Variants in UBE2A observed in about 807,000 individuals in gnomAD.
UBE2A encodes ubiquitin conjugating enzyme E2 A, also known as ubiquitin-conjugating enzyme E2 A.
For missense variants in UBE2A, 27 were observed against 125.8 expected (o/e 0.21, Z 3.76); for synonymous variants, 39 against 41.1 (o/e 0.95, Z 0.20).
chrX:119,578,488 AAG>A (rs1201650890), intron 3 of UBE2A, among the ~76,000 whole-genome samples: 2 of 111,573 alleles, frequency 1.8e-5, no homozygotes, highest in Non-Finnish European at 3.8e-5. Flanking sequence ...AAAGTCCACT[AAG>A]AGTGTTTTAA....
chrX:119,574,599 C>G lies in UBE2A; in HGVS notation c.-113C>G. 9.7e-7 allele frequency: 1 copy of G among 1,027,654 alleles called. No individual in the cohort carries two copies. Among genetic ancestry groups the G allele is most frequent in the Non-Finnish European group, 1.3e-6 (1 of 752,892 alleles). 84.7% of individuals were successfully genotyped at this position (1,027,654 alleles called of 1,213,427 possible). ...CGACTTCGGAGAGGCAGCGCGGTTC[C>G]TCTGGGTGCTTCCGCCTCCCCTTCT... On this transcript the variant is annotated 5_prime_UTR_variant, in exon 1 of 6. Transcript: ENST00000371558.
intron 5 of UBE2A, 77 bp from the exon 6 acceptor site, chrX:119,583,050 A>G: frequency 1.1e-5 from 13 of 1,155,385 alleles, no homozygotes; most frequent in East Asian, 3.0e-5. Flanking sequence ...ACTTAGGACA[A>G]TTCAATTGAG....
intron 3 of UBE2A, among the ~76,000 whole-genome samples, chrX:119,580,066 C>G (rs1207479379): frequency 1.8e-5 from 2 of 111,719 alleles, no homozygotes; most frequent in Non-Finnish European, 3.8e-5. Context: ...TTCCATACTT[C>G]TAATGGGCAT....
At chrX:119,580,509 A>G (rs1308610753) in intron 3 of UBE2A, 1 of 112,606 alleles carries the variant, frequency 8.9e-6, no homozygotes, top group Non-Finnish European at 1.9e-5. Context: ...CTTATACCAT[A>G]TAGTAACTGA....
In UBE2A at chrX:119,574,698, A is replaced by T. The variant is rs1416040436; in HGVS notation, c.-14A>T. On this transcript the variant is annotated 5_prime_UTR_variant, in exon 1 of 6. The change abolishes the stop of an existing upstream ORF in the 5' untranslated region. Coordinates refer to ENST00000371558, the MANE Select transcript of UBE2A (RefSeq NM_003336.4). ...GACCCCAGTGTATGCCCCACCCCTG[A>T]CCCCGCTCGCGACATGTCCACCCCG... The T allele has an allele frequency of 8.4e-7, 1 of 1,193,809 alleles. No individual in the cohort carries two copies. Among genetic ancestry groups the T allele is most frequent in the Admixed American group, 2.2e-5 (1 of 44,470 alleles).
intron 3 of UBE2A, 172 bp downstream of exon 3, chrX:119,575,572 T>C: frequency 1.8e-6 from 1 of 551,197 alleles, no homozygotes; most frequent in South Asian, 2.9e-5. Context: ...ATTGTATGCT[T>C]GACTAGAACT....
Position 119,574,588 on chromosome X carries a change from C to T in UBE2A, c.-124C>T. ...AGACCGACCCTCGACTTCGGAGAGG[C>T]AGCGCGGTTCCTCTGGGTGCTTCCG... On this transcript the variant is annotated 5_prime_UTR_variant, in exon 1 of 6. Coordinates refer to ENST00000371558, the MANE Select transcript of UBE2A (RefSeq NM_003336.4). 3.2e-6 allele frequency: 3 copies of T among 942,207 alleles called. No homozygotes were observed. In the South Asian group the frequency reaches 6.2e-5, roughly 20 times the overall value. The allele number at this position is 942,207 out of a possible 1,213,427, so 77.6% of individuals were successfully genotyped here.
intron 3 of UBE2A, among the ~76,000 whole-genome samples, chrX:119,576,504 T>TACACAC (rs748580325): frequency 1.2e-4 from 13 of 107,341 alleles, no homozygotes; most frequent in African/African-American, 4.1e-4. Flanking sequence ...ATAGCATTTA[T>TACACAC]ACACACACAC....
Position 119,575,360 on chromosome X carries a change from TTC to T in UBE2A, c.126-11_126-10del, listed in dbSNP as rs747415799. On this transcript the variant is annotated splice_polypyrimidine_tract_variant and intron_variant, in intron 2 of 5. Coordinates refer to ENST00000371558, the MANE Select transcript of UBE2A (RefSeq NM_003336.4). Reference sequence around the variant, plus strand: ...CCCCTTAAGTGGGAACTGACCATTTTTCTCTGTGTTGCAGGCCTGAAGGGACC... The same window carrying T: ...CCCCTTAAGTGGGAACTGACCATTTTTCTGTGTTGCAGGCCTGAAGGGACC... The T allele has an allele frequency of 3.3e-6, 4 of 1,211,758 alleles. No individual in the cohort carries two copies. The Admixed American group carries it at 8.7e-5, about 26-fold the overall frequency.
At chrX:119,582,842 G>A (rs1256963376) in intron 5 of UBE2A, among the ~76,000 whole-genome samples, 166 bp downstream of exon 5, 1 of 110,997 alleles carries the variant, frequency 9.0e-6, no homozygotes, top group Non-Finnish European at 1.9e-5. Flanking sequence ...GCTGGGTACA[G>A]TCGCTCACAC....
At chrX:119,581,164 GC>G (rs1359167967) in intron 3 of UBE2A, 1 of 148,585 alleles carries the variant, frequency 6.7e-6, no homozygotes, top group Non-Finnish European at 1.3e-5. Context: ...ACTAACATAG[GC>G]CTTTGAGGTC....
At chrX:119,580,970 A>G (rs1444234487) in intron 3 of UBE2A, 1 of 112,297 alleles carries the variant, frequency 8.9e-6, no homozygotes, top group Non-Finnish European at 1.9e-5. Flanking sequence ...AATTCAATTA[A>G]GTTTTCATTA....
chrX:119,583,515 C>A lies in UBE2A; in HGVS notation c.*260C>A, dbSNP rs1352870922. 2.9e-6 allele frequency: 1 copy of A among 348,502 alleles called. No individual in the cohort carries two copies. The highest frequency in any genetic ancestry group is 4.7e-5 in the South Asian group (1 of 21,330). The allele number at this position is 348,502 out of a possible 1,213,427, so 28.7% of individuals were successfully genotyped here. A position where few individuals can be genotyped will look rare whatever the true frequency, so the allele number is the denominator to read the frequency against. ...TCAGTTTTTCTGTTGTATTTCATTT[C>A]CAGTTTTCAGGCAGTTATTTTTATT... On this transcript the variant is annotated 3_prime_UTR_variant, in exon 6 of 6. Coordinates refer to ENST00000371558, the MANE Select transcript of UBE2A (RefSeq NM_003336.4).
At chrX:119,578,103 C>T (rs1044491108) in intron 3 of UBE2A, among the ~76,000 whole-genome samples, 2 of 111,416 alleles carry the variant, frequency 1.8e-5, no homozygotes, top group East Asian at 2.8e-4. Context: ...GTAAACCGTT[C>T]GTTATGGAAG....
At position 119,574,632 on chromosome X, in the gene UBE2A, C is replaced by T. The variant is rs2053400598; in HGVS notation, c.-80C>T. The T allele has an allele frequency of 1.8e-6, 2 of 1,134,131 alleles. No individual in the cohort carries two copies. Among genetic ancestry groups the T allele is most frequent in the Non-Finnish European group, 2.4e-6 (2 of 846,529 alleles). 93.5% of individuals were successfully genotyped at this position (1,134,131 alleles called of 1,213,427 possible). ...GCTTCCGCCTCCCCTTCTCCTGCTT[C>T]TCCAGCCTCTTCGGCCTCCTCGCCC... On this transcript the variant is annotated 5_prime_UTR_variant, in exon 1 of 6. Coordinates refer to ENST00000371558, the MANE Select transcript of UBE2A (RefSeq NM_003336.4).
chrX:119,577,635 CTTTTTTTTT>C (rs11380086), intron 3 of UBE2A, among the ~76,000 whole-genome samples: 7 of 56,804 alleles, frequency 1.2e-4, no homozygotes, highest in East Asian at 1.3e-3. Context: ...AAAATTTTAG[CTTTTTTTTT>C]TTTTTTTTTT....
chrX:119,583,089 G>A (rs772459322), intron 5 of UBE2A, 38 bp from the exon 6 acceptor site: 22 of 1,204,516 alleles, frequency 1.8e-5, no homozygotes, highest in Non-Finnish European at 2.5e-5. Context: ...TAGTTGTTTT[G>A]CATTAAGGAA....
intron 3 of UBE2A, among the ~76,000 whole-genome samples, chrX:119,576,015 A>G (rs1383947922): frequency 1.8e-5 from 2 of 112,377 alleles, no homozygotes; most frequent in Non-Finnish European, 3.8e-5. Flanking sequence ...CGTTATGATG[A>G]GTAATTTCAA....
chrX:119,581,382 T>C (rs1018265894), intron 3 of UBE2A, 125 bp from the exon 4 acceptor site: 3 of 467,990 alleles, frequency 6.4e-6, no homozygotes, highest in African/African-American at 2.4e-5. Context: ...TTACCTGGCC[T>C]TTCCTCTCTA....
Sources: allele counts gnomAD v4.1 joint callset (sites outside exome capture counted in the v4.1 genomes callset), GRCh38; gene constraint gnomAD v4.1.1; transcripts MANE v1.5; gene names NCBI Gene and HGNC (gene_info 2026-07-23, HGNC 2026-07-21).